Variants in HEMK2 observed in about 807,000 individuals in gnomAD.
HEMK2 encodes methyltransferase HEMK2.
At chr21:28,744,971 A>G in the HEMK2 span, among the ~76,000 whole-genome samples, 1 of 152,236 alleles carries the variant, frequency 6.6e-6, no homozygotes, top group Admixed American at 6.5e-5. Context: ...ACAAATTTTG[A>G]ATTATAAAAT....
At chr21:28,767,940 C>T in the HEMK2 span, among the ~76,000 whole-genome samples, 4 of 151,962 alleles carry the variant, frequency 2.6e-5, no homozygotes, top group Non-Finnish European at 5.9e-5. Context: ...TTCTATGTGC[C>T]CCTCCAGCGA....
chr21:28,653,804 T>C, the HEMK2 span, among the ~76,000 whole-genome samples: 5 of 152,174 alleles, frequency 3.3e-5, no homozygotes, highest in South Asian at 2.1e-4. Flanking sequence ...CTAGGTCTAA[T>C]GCATGCACTA....
chr21:28,580,851 G>T, the HEMK2 span, among the ~76,000 whole-genome samples: 4 of 152,078 alleles, frequency 2.6e-5, no homozygotes, highest in African/African-American at 9.7e-5. Flanking sequence ...TTCCCAACTA[G>T]AAAGTAAAGT....
the HEMK2 span, among the ~76,000 whole-genome samples, chr21:28,690,907 G>A: frequency 6.6e-6 from 1 of 152,134 alleles, no homozygotes; most frequent in East Asian, 1.9e-4. Context: ...TCTCGGTCAG[G>A]ATTTTGTTGA....
the HEMK2 span, among the ~76,000 whole-genome samples, chr21:28,867,234 A>C: frequency 1.3e-5 from 2 of 152,264 alleles, no homozygotes; most frequent in Non-Finnish European, 2.9e-5. Context: ...AACTGGAAAC[A>C]ACCTAAAATT....
the HEMK2 span, among the ~76,000 whole-genome samples, chr21:28,582,430 G>A: frequency 6.6e-6 from 1 of 152,098 alleles, no homozygotes. Flanking sequence ...ACCACCTGGG[G>A]GGAATCAAGT....
At chr21:28,718,182 A>C in the HEMK2 span, among the ~76,000 whole-genome samples, 2 of 152,204 alleles carry the variant, frequency 1.3e-5, no homozygotes, top group African/African-American at 4.8e-5. Flanking sequence ...TTGTTTACTC[A>C]AAAGTCATTC....
At chr21:28,768,749 C>T in the HEMK2 span, among the ~76,000 whole-genome samples, 1 of 151,864 alleles carries the variant, frequency 6.6e-6, no homozygotes, top group African/African-American at 2.4e-5. Flanking sequence ...ATTTTGACCC[C>T]CTAAAAGTCA....
the HEMK2 span, among the ~76,000 whole-genome samples, chr21:28,616,755 C>T: frequency 6.6e-6 from 1 of 152,156 alleles, no homozygotes; most frequent in Non-Finnish European, 1.5e-5. Context: ...CATTTGTATA[C>T]CCTTTGCTAT....
the HEMK2 span, among the ~76,000 whole-genome samples, chr21:28,836,788 C>T: frequency 4.0e-5 from 6 of 149,602 alleles, no homozygotes; most frequent in Admixed American, 1.3e-4. Flanking sequence ...TAAGGACTCA[C>T]ATAAACTTAA....
the HEMK2 span, among the ~76,000 whole-genome samples, chr21:28,635,101 C>CTTTTTTTTTTTTTTTTTTTTT: frequency 7.0e-6 from 1 of 142,902 alleles, no homozygotes. Flanking sequence ...ATGTCCTCAT[C>CTTTTTTTTTTTTTTTTTTTTT]TTTTTTTTTT....
At chr21:28,639,860 G>A in the HEMK2 span, among the ~76,000 whole-genome samples, 1 of 152,206 alleles carries the variant, frequency 6.6e-6, no homozygotes, top group African/African-American at 2.4e-5. Context: ...ACTTGTGCCA[G>A]TAATGAGCCA....
At chr21:28,826,004 T>C in the HEMK2 span, among the ~76,000 whole-genome samples, 41 of 152,246 alleles carry the variant, frequency 2.7e-4, no homozygotes, top group Middle Eastern at 3.2e-3. Flanking sequence ...TTGCAACCTA[T>C]AGCCTTCAAG....
chr21:28,732,908 C>G, the HEMK2 span, among the ~76,000 whole-genome samples: 1 of 152,126 alleles, frequency 6.6e-6, no homozygotes, highest in African/African-American at 2.4e-5. Context: ...ACCCGGGTAC[C>G]TCCAGAATAA....
At chr21:28,863,052 T>C in the HEMK2 span, among the ~76,000 whole-genome samples, 4 of 152,118 alleles carry the variant, frequency 2.6e-5, no homozygotes, top group East Asian at 1.9e-4. Flanking sequence ...GTCAACTTGT[T>C]TGGATTGAAG....
chr21:28,580,687 T>A, the HEMK2 span, among the ~76,000 whole-genome samples: 3,148 of 152,082 alleles, frequency 0.021, 105 homozygotes, highest in African/African-American at 0.072. Context: ...CACTACACAC[T>A]CAGCCTCCTC....
chr21:28,609,082 C>T, the HEMK2 span, among the ~76,000 whole-genome samples: 1 of 152,214 alleles, frequency 6.6e-6, no homozygotes, highest in Non-Finnish European at 1.5e-5. Context: ...AAAGCACCAT[C>T]TCCTGGCTGG....
chr21:28,652,094 C>T, the HEMK2 span, among the ~76,000 whole-genome samples: 2 of 152,156 alleles, frequency 1.3e-5, no homozygotes, highest in Non-Finnish European at 2.9e-5. Context: ...ATTATTCACA[C>T]CATATTTTTA....
chr21:28,849,256 G>A, the HEMK2 span, among the ~76,000 whole-genome samples: 4 of 151,828 alleles, frequency 2.6e-5, no homozygotes, highest in Non-Finnish European at 5.9e-5. Context: ...TGGCTCCCTG[G>A]TATCTTCCAG....
Sources: gnomAD v4.1 joint callset for allele counts (sites outside exome capture counted in the v4.1 genomes callset) on GRCh38, gnomAD v4.1.1 for gene constraint, MANE v1.5 for transcripts, NCBI Gene and HGNC (gene_info 2026-07-23, HGNC 2026-07-21) for gene names.